SNAPC3: variants seen among roughly 807,000 people sequenced by gnomAD.
SNAPC3 encodes the protein small nuclear RNA activating complex polypeptide 3, also known as snRNA-activating protein complex subunit 3.
Under a neutral mutation model 47.7 loss-of-function variants are expected in SNAPC3, and 56 were observed. That is an observed-to-expected ratio of 1.18 (90% CI 0.95 to 1.47). The LOEUF (loss-of-function observed/expected upper bound fraction) is 1.47, where lower values mean the gene tolerates loss of function less well. Among genes scored for constraint, SNAPC3 ranks in the 40% most tolerant of loss-of-function variants. The probability of loss-of-function intolerance (pLI) is 0.00; values close to 1 mark genes in which losing one functional copy is unlikely to be tolerated. For missense variants in SNAPC3, 665 were observed against 511.3 expected, an observed-to-expected ratio of 1.30 and a Z score of -2.90; for synonymous variants, 235 against 189.9, an observed-to-expected ratio of 1.24 and a Z score of -1.95.
At chr9:15,426,264 T>C (rs867011097) in intron 2 of SNAPC3, among the ~76,000 whole-genome samples, 1 of 151,876 alleles carries the variant, frequency 6.6e-6, no homozygotes. Context: ...CCCAGAACAG[T>C]CATTCTTGCT....
downstream of SNAPC3, chr9:15,465,763 T>C (rs769716800): frequency 8.7e-5 from 46 of 531,324 alleles, no homozygotes; most frequent in Non-Finnish European, 1.4e-4. Flanking sequence ...AAACTGTTAT[T>C]TTACCATGTT....
chr9:15,450,340 A>AC, intron 5 of SNAPC3, among the ~76,000 whole-genome samples: 1 of 152,302 alleles, frequency 6.6e-6, no homozygotes, highest in African/African-American at 2.4e-5. Context: ...TGAAGACAAG[A>AC]AAGAAAAATG....
Position 15,442,950 on chromosome 9 carries a change from C to G in SNAPC3, c.478-1652C>G, listed in dbSNP as rs566305623. ...TCGGGAGGCTGAGGCTGGCAGATCA[C>G]TCGCAGTTAGGAGCTGGAGACCAGC... On this transcript the variant is annotated intron_variant, in intron 3 of 8. Coordinates refer to ENST00000380821, the MANE Select transcript of SNAPC3 (RefSeq NM_001039697.2). Among the ~76,000 whole-genome samples, 56 of 152,366 alleles carry G rather than the reference C, an allele frequency of 3.7e-4. No individual in the cohort carries two copies. The South Asian group carries it at 0.011, about 30-fold the overall frequency.
At chr9:15,425,359 C>T (rs556805592) in intron 2 of SNAPC3, among the ~76,000 whole-genome samples, 31 of 151,950 alleles carry the variant, frequency 2.0e-4, no homozygotes, top group Non-Finnish European at 4.0e-4. Flanking sequence ...CTGGGATTAC[C>T]GGTGCCTGCA....
intron 2 of SNAPC3, among the ~76,000 whole-genome samples, chr9:15,427,134 G>C (rs12555012): frequency 0.012 from 1,885 of 152,214 alleles, 122 homozygotes; most frequent in Admixed American, 0.11. Flanking sequence ...GCATATAAGG[G>C]ACCAAAGGTA....
chr9:15,465,587 A>C, downstream of SNAPC3: 1 of 1,568,294 alleles, frequency 6.4e-7, no homozygotes, highest in Non-Finnish European at 8.7e-7. Flanking sequence ...TGGCCTGAAG[A>C]AAAGGGGGAA....
At chr9:15,432,031 G>C (rs1009941145) in intron 2 of SNAPC3, 3 of 151,834 alleles carry the variant, frequency 2.0e-5, no homozygotes, top group African/African-American at 7.3e-5. Context: ...TAAAGGTGAA[G>C]ACAGAACTGT....
chr9:15,428,893 A>G (rs990577206), intron 2 of SNAPC3, among the ~76,000 whole-genome samples: 1 of 152,202 alleles, frequency 6.6e-6, no homozygotes, highest in Admixed American at 6.5e-5. Flanking sequence ...TCATATTATC[A>G]GAGTCCCTGA....
rs1587427076 is a variant in SNAPC3, at chr9:15,459,967, G to C, written c.*101G>C. 1.9e-6 allele frequency: 2 copies of C among 1,034,560 alleles called. No homozygotes were observed. Among genetic ancestry groups the C allele is most frequent in the East Asian group, 2.5e-5 (1 of 40,458 alleles). 64.1% of individuals were successfully genotyped at this position (1,034,560 alleles called of 1,614,324 possible). Reference sequence around the variant, plus strand: ...GCCACTGAGGAACAGGATCCACTTTGAACAGTCCGCTAAAGCTATCAAAAA... The same window carrying C: ...GCCACTGAGGAACAGGATCCACTTTCAACAGTCCGCTAAAGCTATCAAAAA... On this transcript the variant is annotated 3_prime_UTR_variant, in exon 9 of 9. Coordinates refer to ENST00000380821, the MANE Select transcript of SNAPC3 (RefSeq NM_001039697.2).
At chr9:15,464,011 C>G (rs749670483), downstream of SNAPC3, 21 of 171,522 alleles carry the variant, frequency 1.2e-4, no homozygotes, top group Non-Finnish European at 2.0e-4. Context: ...GGCAGCAAAC[C>G]CAGAATTCCA....
At chr9:15,464,992 CTG>C (rs2035514790), downstream of SNAPC3, 1 of 219,282 alleles carries the variant, frequency 4.6e-6, no homozygotes. Context: ...ACAATGTAGA[CTG>C]TGAGATTAAA....
Position 15,451,319 on chromosome 9 carries a change from G to T in SNAPC3, c.733-1G>T. On this transcript the variant is annotated splice_acceptor_variant, in intron 5 of 8. Coordinates refer to ENST00000380821, the MANE Select transcript of SNAPC3 (RefSeq NM_001039697.2). LOFTEE classifies it high-confidence loss of function. Reference sequence around the variant, plus strand: ...TCTCAATACAATCTGTTTTCTTGTAGGACCTATACAAATCAGCCTTCTTTT... The same window carrying T: ...TCTCAATACAATCTGTTTTCTTGTATGACCTATACAAATCAGCCTTCTTTT... The T allele has an allele frequency of 7.8e-7, 1 of 1,277,410 alleles. No homozygotes were observed. The highest frequency in any genetic ancestry group is 1.5e-5 in the South Asian group (1 of 66,442). The allele number at this position is 1,277,410 out of a possible 1,614,324, so 79.1% of individuals were successfully genotyped here.
intron 2 of SNAPC3, among the ~76,000 whole-genome samples, chr9:15,429,812 T>A (rs1329928153): frequency 6.6e-6 from 1 of 152,120 alleles, no homozygotes; most frequent in Non-Finnish European, 1.5e-5. Context: ...GATTTTCAAT[T>A]TGGCTTGTAA....
chr9:15,440,777 G>A (rs995520656), intron 3 of SNAPC3, among the ~76,000 whole-genome samples: 35 of 151,868 alleles, frequency 2.3e-4, no homozygotes, highest in Non-Finnish European at 7.4e-5. Flanking sequence ...GTGAAACCCC[G>A]TCTCTACTAA....
At chr9:15,464,875 T>G, downstream of SNAPC3, 1 of 211,136 alleles carries the variant, frequency 4.7e-6, no homozygotes, top group East Asian at 7.2e-5. Flanking sequence ...AATTAATGTT[T>G]TATAGTTTGT....
intron 1 of SNAPC3, 70 bp downstream of exon 1, chr9:15,423,263 C>T (rs1370923481): frequency 2.8e-6 from 4 of 1,419,356 alleles, no homozygotes; most frequent in Admixed American, 2.8e-5. Context: ...GTGCGCTCCT[C>T]TGGGACTCAT....
intron 2 of SNAPC3, among the ~76,000 whole-genome samples, chr9:15,432,913 C>G (rs1031646154): frequency 6.6e-6 from 1 of 152,126 alleles, no homozygotes; most frequent in African/African-American, 2.4e-5. Context: ...GTATCTCCCC[C>G]AAAATATTTA....
intron 5 of SNAPC3, among the ~76,000 whole-genome samples, chr9:15,448,935 A>T (rs937220929): frequency 3.3e-5 from 5 of 151,786 alleles, no homozygotes; most frequent in African/African-American, 1.2e-4. Context: ...TCAGCCTCCC[A>T]AGTAGCTGGG....
At chr9:15,447,913 G>A (rs955392043) in intron 5 of SNAPC3, among the ~76,000 whole-genome samples, 1 of 152,168 alleles carries the variant, frequency 6.6e-6, no homozygotes, top group African/African-American at 2.4e-5. Context: ...CCCTGGATAA[G>A]GATGGAAAGA....
Sources: allele counts gnomAD v4.1 joint callset (sites outside exome capture counted in the v4.1 genomes callset), GRCh38; gene constraint gnomAD v4.1.1; transcripts MANE v1.5; gene names NCBI Gene and HGNC (gene_info 2026-07-23, HGNC 2026-07-21).